Variants in MFSD11 observed in about 807,000 individuals in gnomAD.
The protein encoded by MFSD11 is UNC93-like protein MFSD11.
MFSD11 carries 36 observed loss-of-function variants against 53.5 expected under a neutral mutation model. The observed-to-expected ratio is 0.67, with a 90% CI of 0.52 to 0.89. MFSD11 has a LOEUF of 0.89. Among genes scored for constraint, MFSD11 ranks in the 40% least tolerant of loss-of-function variants. The pLI is 0.00. For synonymous variants in MFSD11, 186 were observed against 184.9 expected (o/e 1.01, Z -0.05); for missense variants, 530 against 543.9 (o/e 0.97, Z 0.25).
At chr17:76,798,422 G>A in the MFSD11 span, among the ~76,000 whole-genome samples, 1 of 152,124 alleles carries the variant, frequency 6.6e-6, no homozygotes, top group Admixed American at 6.6e-5. Flanking sequence ...TGCCCTTTCA[G>A]GAGATCAGTG....
At chr17:76,751,357 TCCA>T in intron 7 of MFSD11, among the ~76,000 whole-genome samples, 1 of 150,730 alleles carries the variant, frequency 6.6e-6, no homozygotes, top group Non-Finnish European at 1.5e-5. Context: ...GCCACTGCAC[TCCA>T]GTCTGGGTGA....
the MFSD11 span, among the ~76,000 whole-genome samples, chr17:76,800,180 C>G: frequency 6.6e-6 from 1 of 151,944 alleles, no homozygotes; most frequent in Non-Finnish European, 1.5e-5. Context: ...GTCTCGAACT[C>G]CTGGTGTCAA....
chr17:76,769,867 T>G lies in MFSD11; in HGVS notation c.870T>G (p.Ile290Met). The G allele has an allele frequency of 1.9e-6, 3 of 1,603,768 alleles. No homozygotes were observed. Among genetic ancestry groups the G allele is most frequent in the Non-Finnish European group, 2.5e-6 (3 of 1,177,744 alleles). Reference sequence around the variant, plus strand: ...GCATTTTCATCGGCATTGGAGAAATTTTAGGTTGGTTTTAAAAAAAAGCGT... The same window carrying G: ...GCATTTTCATCGGCATTGGAGAAATGTTAGGTTGGTTTTAAAAAAAAGCGT... ...LSGIFIGIGE[I>M]LGGSLFGLLS... Residue 290 changes from isoleucine to methionine, a missense_variant, in exon 10 of 13, where the codon ATT (isoleucine) becomes ATG (methionine). By Grantham distance (10) the Ile-to-Met change is conservative (BLOSUM62 1). Coordinates refer to ENST00000685175, the MANE Select transcript of MFSD11 (RefSeq NM_001242532.5).
chr17:76,793,430 G>A, the MFSD11 span, among the ~76,000 whole-genome samples: 5 of 151,390 alleles, frequency 3.3e-5, no homozygotes, highest in African/African-American at 9.8e-5. Flanking sequence ...GCTCACCAGC[G>A]GTCAGAGTTT....
rs2080374582 is a variant in MFSD11, at chr17:76,762,632, GGCGACTGA to G, written c.683-4749_683-4742del. ...GATCGCGCCACTGCACTCCAGCCTG[GGCGACTGA>G]GCGAGACTCCGTCTCCAAAAAAAAA... On this transcript the variant is annotated intron_variant, in intron 8 of 12. Transcript: ENST00000685175. 2.7e-5 allele frequency among the ~76,000 whole-genome samples: 4 copies of G among 149,744 alleles called. No individual in the cohort carries two copies. In the Admixed American group the frequency reaches 2.7e-4, roughly 10 times the overall value.
the MFSD11 span, among the ~76,000 whole-genome samples, chr17:76,801,220 C>T: frequency 2.0e-5 from 3 of 151,758 alleles, no homozygotes; most frequent in Non-Finnish European, 2.9e-5. Context: ...GGCAAAACTC[C>T]GTCTCTACAA....
intron 7 of MFSD11, among the ~76,000 whole-genome samples, chr17:76,751,376 C>T (rs539823080): frequency 6.7e-6 from 1 of 149,056 alleles, no homozygotes; most frequent in Admixed American, 6.7e-5. Flanking sequence ...GGTGACAGAG[C>T]GAGACATTGT....
At chr17:76,759,789 A>AT in intron 8 of MFSD11, among the ~76,000 whole-genome samples, 1 of 44,668 alleles carries the variant, frequency 2.2e-5, no homozygotes, top group South Asian at 8.7e-4. Context: ...TTTTTTTTGT[A>AT]TTTTTAGTAG....
At chr17:76,767,114 T>C (rs1568099771) in intron 8 of MFSD11, 2 of 337,472 alleles carry the variant, frequency 5.9e-6, no homozygotes, top group Non-Finnish European at 5.4e-6. Context: ...TTTGATTCTA[T>C]TTTTTTTCTT....
downstream of MFSD11, among the ~76,000 whole-genome samples, chr17:76,782,090 G>A (rs2082177011): frequency 6.6e-6 from 1 of 151,486 alleles, no homozygotes; most frequent in African/African-American, 2.4e-5. Flanking sequence ...CAAAATGCTG[G>A]GATTACAGGA....
intron 8 of MFSD11, among the ~76,000 whole-genome samples, chr17:76,763,085 G>A (rs540058003): frequency 6.6e-6 from 1 of 152,030 alleles, no homozygotes; most frequent in Non-Finnish European, 1.5e-5. Flanking sequence ...TTTTTGTGTG[G>A]ATGTGTTTTC....
chr17:76,761,153 C>T (rs530054275), intron 8 of MFSD11, among the ~76,000 whole-genome samples: 54 of 152,152 alleles, frequency 3.5e-4, no homozygotes, highest in Non-Finnish European at 6.2e-4. Flanking sequence ...TGCAGTGAGC[C>T]GAGATCGTGC....
At chr17:76,791,914 G>A in the MFSD11 span, among the ~76,000 whole-genome samples, 1 of 130,716 alleles carries the variant, frequency 7.7e-6, no homozygotes, top group Non-Finnish European at 1.6e-5. Context: ...ATCCCTTTCT[G>A]GATCAGAAAC....
chr17:76,768,080 A>G (rs917096306), intron 9 of MFSD11, among the ~76,000 whole-genome samples: 6 of 152,108 alleles, frequency 3.9e-5, no homozygotes, highest in Non-Finnish European at 8.8e-5. Flanking sequence ...AGGCGGGTGG[A>G]TTGCTTGAGC....
intron 10 of MFSD11, 40 bp from the exon 11 acceptor site, chr17:76,774,957 T>G (rs761324519): frequency 1.3e-6 from 2 of 1,593,304 alleles, no homozygotes; most frequent in Non-Finnish European, 1.7e-6. Flanking sequence ...ATGTGATGTT[T>G]CGGCAACATT....
At chr17:76,737,050 G>A (rs575538276), upstream of MFSD11, 2 of 1,613,214 alleles carry the variant, frequency 1.2e-6, no homozygotes, top group South Asian at 1.1e-5. Flanking sequence ...CGACGCGCCC[G>A]TACTTCTCGA....
chr17:76,790,815 CT>C, the MFSD11 span, among the ~76,000 whole-genome samples: 18,972 of 145,766 alleles, frequency 0.13, 4,979 homozygotes, highest in African/African-American at 0.46. Context: ...TGGCACACAC[CT>C]TGTAGTCCCA....
chr17:76,763,260 T>C (rs1202902866), intron 8 of MFSD11, among the ~76,000 whole-genome samples: 1 of 151,742 alleles, frequency 6.6e-6, no homozygotes, highest in Non-Finnish European at 1.5e-5. Flanking sequence ...TTTTCTGTTT[T>C]TTTGTTTTTT....
intron 11 of MFSD11, among the ~76,000 whole-genome samples, chr17:76,775,641 C>A (rs916571116): frequency 3.3e-5 from 5 of 152,142 alleles, no homozygotes; most frequent in African/African-American, 1.2e-4. Context: ...CTCCACAAAT[C>A]CAAGGGGAGC....
Sources: gnomAD v4.1 joint callset for allele counts (sites outside exome capture counted in the v4.1 genomes callset) on GRCh38, gnomAD v4.1.1 for gene constraint, MANE v1.5 for transcripts, NCBI Gene and HGNC (gene_info 2026-07-23, HGNC 2026-07-21) for gene names.